Variants in CENPP observed in about 807,000 individuals in gnomAD.
The protein encoded by CENPP is centromere protein P.
CENPP carries 24 observed loss-of-function variants against 35.6 expected under a neutral mutation model. The ratio of observed to expected loss-of-function variants is 0.67; its 90% CI spans 0.49 to 0.95. The LOEUF (loss-of-function observed/expected upper bound fraction) is 0.95. Ranked by LOEUF, CENPP falls within the 40% of genes least tolerant of loss-of-function variation. CENPP has a pLI of 0.00. For synonymous variants in CENPP, 120 were observed against 125.5 expected (o/e 0.96, Z 0.29); for missense variants, 332 against 345.3 (o/e 0.96, Z 0.31).
intron 1 of CENPP, among the ~76,000 whole-genome samples, chr9:92,326,799 C>T (rs1016854219): frequency 2.6e-5 from 4 of 152,196 alleles, no homozygotes; most frequent in African/African-American, 9.7e-5. Context: ...GTATTATCAT[C>T]TCAAACATAG....
At chr9:92,473,588 A>G (rs1238095847) in intron 5 of CENPP, among the ~76,000 whole-genome samples, 1 of 152,188 alleles carries the variant, frequency 6.6e-6, no homozygotes, top group Admixed American at 6.5e-5. Context: ...GTCGTTCTAC[A>G]TGAACAAGTT....
chr9:92,582,902 C>A (rs376135786), intron 5 of CENPP, among the ~76,000 whole-genome samples: 61 of 152,278 alleles, frequency 4.0e-4, no homozygotes, highest in African/African-American at 1.4e-3. Context: ...GATTCTCTAT[C>A]TTGCTTTCTT....
At chr9:92,340,348 G>T (rs964127230) in intron 3 of CENPP, 6 of 152,186 alleles carry the variant, frequency 3.9e-5, no homozygotes, top group Admixed American at 3.9e-4. Flanking sequence ...CCTTAGTGGG[G>T]CTATGGCCTG....
intron 5 of CENPP, among the ~76,000 whole-genome samples, chr9:92,551,939 A>T (rs1460494402): frequency 3.5e-5 from 3 of 84,942 alleles, no homozygotes; most frequent in African/African-American, 1.9e-4. Flanking sequence ...ATATATATAT[A>T]TATATATATA....
At chr9:92,522,942 C>T in intron 5 of CENPP, 1 of 1,474,896 alleles carries the variant, frequency 6.8e-7, no homozygotes, top group Non-Finnish European at 8.9e-7. Context: ...ATTTTTACTT[C>T]TGAAAATTGG....
intron 5 of CENPP, among the ~76,000 whole-genome samples, chr9:92,549,664 C>A (rs371326523): frequency 0.037 from 5,318 of 144,746 alleles, 173 homozygotes; most frequent in South Asian, 0.078. Context: ...AAAAACAAAA[C>A]AAAACAAAAC....
intron 5 of CENPP, among the ~76,000 whole-genome samples, chr9:92,450,558 G>A (rs370816412): frequency 1.7e-4 from 26 of 152,138 alleles, no homozygotes; most frequent in African/African-American, 5.5e-4. Context: ...ATAAACATAC[G>A]TGTGCATGTG....
chr9:92,505,726 T>C (rs1309076521), intron 5 of CENPP: 1 of 1,495,280 alleles, frequency 6.7e-7, no homozygotes, highest in Non-Finnish European at 9.0e-7. Context: ...ATTAGGATAA[T>C]TGAAAAACCA....
At chr9:92,383,809 T>G (rs1379834481) in intron 5 of CENPP, among the ~76,000 whole-genome samples, 1 of 152,124 alleles carries the variant, frequency 6.6e-6, no homozygotes, top group African/African-American at 2.4e-5. Context: ...CTTTTGAATT[T>G]TTTCTTAATT....
chr9:92,420,596 C>G (rs186840100), intron 5 of CENPP, among the ~76,000 whole-genome samples: 26 of 152,308 alleles, frequency 1.7e-4, no homozygotes, highest in Admixed American at 1.4e-3. Context: ...CTCTCTGAAG[C>G]CTCTAATACC....
In CENPP at chr9:92,411,986, C is replaced by A. The variant is rs1477163186; in HGVS notation, c.564+32127C>A. On this transcript the variant is annotated intron_variant, in intron 5 of 7. Transcript: ENST00000375587. ...GTTAGAGTGAGTTGTTTGATCTTCTCTTTATTAAATTCTTCAAATAACTGT... is the reference window on the plus strand; with the variant it reads ...GTTAGAGTGAGTTGTTTGATCTTCTATTTATTAAATTCTTCAAATAACTGT... Among the ~76,000 whole-genome samples, 12 of 152,134 alleles carry A rather than the reference C, an allele frequency of 7.9e-5. No homozygotes were observed. In the East Asian group the frequency reaches 2.1e-3, roughly 27 times the overall value.
intron 5 of CENPP, among the ~76,000 whole-genome samples, chr9:92,568,318 G>C (rs1374399817): frequency 6.6e-6 from 1 of 152,118 alleles, no homozygotes; most frequent in Non-Finnish European, 1.5e-5. Context: ...TCCCACCTAT[G>C]AGTGAGAACA....
intron 5 of CENPP, among the ~76,000 whole-genome samples, chr9:92,519,155 G>A (rs1356131236): frequency 6.6e-6 from 1 of 152,010 alleles, no homozygotes; most frequent in African/African-American, 2.4e-5. Flanking sequence ...GCCCAATTCA[G>A]GCCCTACCCA....
intron 5 of CENPP, among the ~76,000 whole-genome samples, chr9:92,444,841 C>T (rs1844511255): frequency 6.6e-6 from 1 of 152,114 alleles, no homozygotes; most frequent in African/African-American, 2.4e-5. Context: ...GTTAGGTGAG[C>T]TCAGCCACTA....
intron 5 of CENPP, among the ~76,000 whole-genome samples, chr9:92,519,300 A>G (rs1033962601): frequency 3.3e-5 from 5 of 152,212 alleles, no homozygotes; most frequent in Non-Finnish European, 7.3e-5. Context: ...CTTTTTTTGC[A>G]GAAATGGAAA....
At chr9:92,358,517 T>C (rs1428145425) in intron 4 of CENPP, among the ~76,000 whole-genome samples, 1 of 152,214 alleles carries the variant, frequency 6.6e-6, no homozygotes, top group East Asian at 1.9e-4. Context: ...GTGCTAGGAT[T>C]ACAGGCATGA....
At chr9:92,512,367 A>G (rs1259624066) in intron 5 of CENPP, among the ~76,000 whole-genome samples, 1 of 152,250 alleles carries the variant, frequency 6.6e-6, no homozygotes, top group Non-Finnish European at 1.5e-5. Context: ...CTGTAAATAT[A>G]TCATGGTTTA....
chr9:92,545,151 G>A (rs921518273), intron 5 of CENPP, among the ~76,000 whole-genome samples: 1 of 152,224 alleles, frequency 6.6e-6, no homozygotes. Flanking sequence ...GGCCGTGCTT[G>A]AGGAGTCCTT....
chr9:92,532,564 C>G (rs986895024), intron 5 of CENPP, among the ~76,000 whole-genome samples: 21 of 151,946 alleles, frequency 1.4e-4, no homozygotes, highest in African/African-American at 4.8e-4. Context: ...CCTGGTTATT[C>G]TCTGAACTGA....
Sources: allele counts gnomAD v4.1 joint callset (sites outside exome capture counted in the v4.1 genomes callset), GRCh38; gene constraint gnomAD v4.1.1; transcripts MANE v1.5; gene names NCBI Gene and HGNC (gene_info 2026-07-23, HGNC 2026-07-21).